The following SF3B3 variants were observed in gnomAD, a reference collection of about 807,000 sequenced individuals.
The protein encoded by SF3B3 is splicing factor 3b subunit 3.
Under a neutral mutation model 139.2 loss-of-function variants are expected in SF3B3, and 33 were observed. The ratio of observed to expected loss-of-function variants is 0.24; its 90% CI spans 0.18 to 0.32. The LOEUF (loss-of-function observed/expected upper bound fraction) is 0.32. Among genes scored for constraint, SF3B3 ranks in the 10% least tolerant of loss-of-function variants. The pLI, the probability that SF3B3 is intolerant of heterozygous loss-of-function variation, is 1.00. For synonymous variants in SF3B3, 596 were observed against 563.6 expected (o/e 1.06, Z -0.81); for missense variants, 818 against 1,509.4 (o/e 0.54, Z 7.59).
chr16:70,567,655 C>T (rs1176521300), intron 21 of SF3B3, 119 bp downstream of exon 21: 3 of 1,202,424 alleles, frequency 2.5e-6, no homozygotes, highest in Middle Eastern at 2.4e-4. Flanking sequence ...TGTGTTACCC[C>T]AATTCCAGCT....
chr16:70,532,529 A>C lies in SF3B3; in HGVS notation c.621A>C (p.Thr207=). 1 of 1,614,104 alleles carries C rather than the reference A, an allele frequency of 6.2e-7. No homozygotes were observed. Among genetic ancestry groups the C allele is most frequent in the Non-Finnish European group, 8.5e-7 (1 of 1,179,976 alleles). ...TGEAAANTQQ[T]LTFYELDLGL... is the part of the protein sequence containing the mutation. The stretch of plus-strand genomic sequence containing the variant: ...AAGCAGCAGCTAATACCCAGCAGAC[A>C]CTTACTTTCTATGAGCTAGACCTTG... Residue 207 remains threonine, a synonymous_variant, in exon 5 of 26, where the codon ACA becomes ACC. Coordinates refer to ENST00000302516, the MANE Select transcript of SF3B3 (RefSeq NM_012426.5).
At chr16:70,532,291 A>G (rs1350582972) in intron 4 of SF3B3, among the ~76,000 whole-genome samples, 188 bp from the exon 5 acceptor site, 1 of 133,402 alleles carries the variant, frequency 7.5e-6, no homozygotes, top group Non-Finnish European at 1.5e-5. Flanking sequence ...ACTCCGTCTC[A>G]AAAAAAAAAA....
intron 13 of SF3B3, 115 bp downstream of exon 13, chr16:70,555,321 T>C: frequency 1.0e-6 from 1 of 994,154 alleles, no homozygotes; most frequent in Non-Finnish European, 1.5e-6. Context: ...CTACTAAAAA[T>C]ACAAAAATTA....
chr16:70,527,227 G>A (rs551132538), intron 2 of SF3B3, among the ~76,000 whole-genome samples: 2 of 152,172 alleles, frequency 1.3e-5, no homozygotes, highest in Non-Finnish European at 2.9e-5. Context: ...ATTTGCTTAC[G>A]TTTACCATGT....
chr16:70,547,878 C>G (rs1477243557), intron 10 of SF3B3, among the ~76,000 whole-genome samples: 1 of 152,164 alleles, frequency 6.6e-6, no homozygotes, highest in Admixed American at 6.5e-5. Flanking sequence ...GTGTGAGCCA[C>G]TGGGCCCAGC....
At chr16:70,540,906 T>C (rs1266383150) in intron 8 of SF3B3, among the ~76,000 whole-genome samples, 2 of 152,224 alleles carry the variant, frequency 1.3e-5, no homozygotes, top group Non-Finnish European at 2.9e-5. Context: ...CTGTGGTAGA[T>C]GTTGCTGTGC....
In SF3B3 at chr16:70,576,654, C is replaced by T. The variant is rs1029043013; in HGVS notation, c.*4841C>T. The T allele has an allele frequency of 5.3e-5, 8 of 152,090 alleles. No homozygotes were observed. The highest frequency in any genetic ancestry group is 1.9e-4 in the East Asian group (1 of 5,198). The allele number at this position is 152,090 out of a possible 1,614,324, so 9.4% of individuals were successfully genotyped here. ...CTGGGGAATCTCAGCTTTAGGGAGT[C>T]GATGATGTAACTGGAGAAAGGCAAT... On this transcript the variant is annotated 3_prime_UTR_variant, in exon 26 of 26. Coordinates refer to ENST00000302516, the MANE Select transcript of SF3B3 (RefSeq NM_012426.5).
chr16:70,541,774 A>T lies in SF3B3; in HGVS notation c.1173A>T (p.Pro391=), dbSNP rs2050220675. 6.2e-7 allele frequency: 1 copy of T among 1,614,154 alleles called. No homozygotes were observed. Among genetic ancestry groups the T allele is most frequent in the East Asian group, 2.2e-5 (1 of 44,890 alleles). The change falls in exon 9 of 26, where the codon CCA becomes CCT. Residue 391 remains proline (P), a synonymous_variant. Coordinates refer to ENST00000302516, the MANE Select transcript of SF3B3 (RefSeq NM_012426.5). ...ACACATTCTTTTTTCAGCCAAGACC[A>T]CTTAAAAACCTTGTGCTGGTTGATG... ...EGDTFFFQPR[P]LKNLVLVDEL...
intron 2 of SF3B3, chr16:70,527,002 C>G (rs1191688289): frequency 1.4e-5 from 7 of 499,304 alleles, no homozygotes; most frequent in Non-Finnish European, 2.1e-5. Context: ...TGCTGTAAGA[C>G]ATACTGAGAT....
In SF3B3 at chr16:70,574,249, A is replaced by C. The variant is rs2050556325; in HGVS notation, c.*2436A>C. 1 of 152,016 alleles carries C rather than the reference A, an allele frequency of 6.6e-6. No homozygotes were observed. The highest frequency in any genetic ancestry group is 2.4e-5 in the African/African-American group (1 of 41,354). The allele number at this position is 152,016 out of a possible 1,614,324, so 9.4% of individuals were successfully genotyped here. On this transcript the variant is annotated 3_prime_UTR_variant, in exon 26 of 26. Coordinates refer to ENST00000302516, the MANE Select transcript of SF3B3 (RefSeq NM_012426.5). Reference sequence around the variant, plus strand: ...TCTTGCCTAGCTGGGAGTGCAGTGGAGTGATCATAGCTCACTGAGGCTTGA... The same window carrying C: ...TCTTGCCTAGCTGGGAGTGCAGTGGCGTGATCATAGCTCACTGAGGCTTGA...
At chr16:70,539,548 CA>C (rs139174233) in intron 8 of SF3B3, among the ~76,000 whole-genome samples, 3 of 149,840 alleles carry the variant, frequency 2.0e-5, no homozygotes, top group African/African-American at 2.5e-5. Flanking sequence ...AACTCTCTCT[CA>C]AAAAAAAAAT....
rs890245713 is a variant in SF3B3, at chr16:70,550,925, A to G, written c.1402+2483A>G. Among the ~76,000 whole-genome samples the G allele has an allele frequency of 2.2e-4, 33 of 152,314 alleles. 1 individual carries two copies. The highest frequency in any genetic ancestry group is 2.2e-3 in the Admixed American group (33 of 15,304). On this transcript the variant is annotated intron_variant, in intron 11 of 25. Transcript: ENST00000302516. ...GGTTAATTTGCCTTTTACTAAGCTA[A>G]AAGAGTCTCTAGCTAGAGAACTTTA... is the stretch of plus-strand genomic sequence containing the variant.
At chr16:70,526,455 C>T in intron 1 of SF3B3, 132 bp from the exon 2 acceptor site, 1 of 527,338 alleles carries the variant, frequency 1.9e-6, no homozygotes, top group Non-Finnish European at 3.3e-6. Flanking sequence ...AGCCACCACG[C>T]CCGGTCACAT....
At chr16:70,552,675 A>C (rs534976689) in intron 11 of SF3B3, among the ~76,000 whole-genome samples, 1 of 152,330 alleles carries the variant, frequency 6.6e-6, no homozygotes, top group African/African-American at 2.4e-5. Flanking sequence ...TAACCATTAG[A>C]GCATGCCCAT....
chr16:70,570,068 G>T lies in SF3B3; in HGVS notation c.3327G>T (p.Leu1109=). ...ETVLSLQKTT[L]IPGGSESLVY... ...TGCTGTCCTTGCAGAAGACCACGCT[G>T]ATCCCTGGAGGCTCAGAATCACTTG... The change falls in exon 24 of 26, where the codon CTG becomes CTT. Residue 1109 remains leucine, a synonymous_variant. Transcript: ENST00000302516. The T allele has an allele frequency of 6.2e-7, 1 of 1,614,086 alleles. No homozygotes were observed. The highest frequency in any genetic ancestry group is 8.5e-7 in the Non-Finnish European group (1 of 1,180,014).
At position 70,569,053 on chromosome 16, in the gene SF3B3, C is replaced by G. The variant is rs760417845; in HGVS notation, c.3176C>G (p.Pro1059Arg). 6.2e-7 allele frequency: 1 copy of G among 1,609,254 alleles called. No homozygotes were observed. Among genetic ancestry groups the G allele is most frequent in the South Asian group, 1.1e-5 (1 of 90,094 alleles). ...GTCACTTCCTTGTAGGTGAGGCTCC[C>G]ACCTAACACCAATGATGAAGTAGAT... ...KFGNICVVRL[P>R]PNTNDEVDED... Residue 1059 changes from proline to arginine, a missense_variant, in exon 23 of 26, where the codon CCA becomes CGA. Pro to Arg is a moderately radical substitution (Grantham distance 103). Around this residue, in one of 14 missense-constraint regions of SF3B3, gnomAD observed 91 missense variants for 171.8 expected, o/e 0.53. Coordinates refer to ENST00000302516, the MANE Select transcript of SF3B3 (RefSeq NM_012426.5).
chr16:70,549,168 G>A (rs1001074562), intron 11 of SF3B3, among the ~76,000 whole-genome samples: 1 of 152,210 alleles, frequency 6.6e-6, no homozygotes, highest in Non-Finnish European at 1.5e-5. Context: ...TCAGGAATGT[G>A]GGATGGGTGA....
intron 23 of SF3B3, 122 bp from the exon 24 acceptor site, chr16:70,569,883 TC>T: frequency 9.1e-7 from 1 of 1,093,390 alleles, no homozygotes; most frequent in Non-Finnish European, 1.3e-6. Context: ...CACGTTGGCC[TC>T]TATAATAATT....
chr16:70,549,136 G>A (rs190178528), intron 11 of SF3B3, among the ~76,000 whole-genome samples: 4 of 152,330 alleles, frequency 2.6e-5, no homozygotes, highest in Admixed American at 2.6e-4. Flanking sequence ...TCACATTGGA[G>A]CTACGTTTTT....
Sources: allele counts gnomAD v4.1 joint callset (sites outside exome capture counted in the v4.1 genomes callset), GRCh38; gene constraint gnomAD v4.1.1; regional missense constraint gnomAD v4.1.1; transcripts MANE v1.5; gene names NCBI Gene and HGNC (gene_info 2026-07-23, HGNC 2026-07-21).